MYO1D: variants seen among roughly 807,000 people sequenced by gnomAD.
MYO1D encodes unconventional myosin-Id.
Under a neutral mutation model 122.0 loss-of-function variants are expected in MYO1D, and 83 were observed. That is an observed-to-expected ratio of 0.68 (90% CI 0.57 to 0.82). The LOEUF (loss-of-function observed/expected upper bound fraction) is 0.82. MYO1D is among the 40% of genes least tolerant of loss of function. The pLI, the probability that MYO1D is intolerant of heterozygous loss-of-function variation, is 0.00. For synonymous variants in MYO1D, 464 were observed against 446.9 expected, an observed-to-expected ratio of 1.04 and a Z score of -0.48; for missense variants, 1,157 against 1,269.5, an observed-to-expected ratio of 0.91 and a Z score of 1.35.
At chr17:32,685,005 CTCTT>C (rs2088985677) in intron 16 of MYO1D, among the ~76,000 whole-genome samples, 1 of 151,988 alleles carries the variant, frequency 6.6e-6, no homozygotes, top group Admixed American at 6.6e-5. Context: ...TGGAAAATTT[CTCTT>C]TATCATTTTT....
chr17:32,836,552 A>C (rs891459217), intron 1 of MYO1D, among the ~76,000 whole-genome samples: 3 of 152,178 alleles, frequency 2.0e-5, no homozygotes, highest in Admixed American at 2.0e-4. Context: ...CTCTTCCATC[A>C]AATCAGTGGA....
At chr17:32,736,854 T>A (rs1018169527) in intron 14 of MYO1D, among the ~76,000 whole-genome samples, 2 of 152,200 alleles carry the variant, frequency 1.3e-5, no homozygotes, top group African/African-American at 4.8e-5. Flanking sequence ...CAGGCTGCAG[T>A]TGACATGCAA....
intron 21 of MYO1D, 98 bp downstream of exon 21, chr17:32,604,989 C>T: frequency 2.5e-6 from 3 of 1,178,172 alleles, no homozygotes; most frequent in Non-Finnish European, 3.5e-6. Context: ...AAAAATAGCT[C>T]AATACATTAA....
At chr17:32,544,804 T>TAC (rs2086952015) in intron 21 of MYO1D, among the ~76,000 whole-genome samples, 1 of 152,116 alleles carries the variant, frequency 6.6e-6, no homozygotes, top group South Asian at 2.1e-4. Flanking sequence ...CATACACATA[T>TAC]ACACACACAC....
intron 20 of MYO1D, among the ~76,000 whole-genome samples, chr17:32,612,901 T>C (rs546074053): frequency 6.6e-6 from 1 of 151,956 alleles, no homozygotes; most frequent in East Asian, 2.0e-4. Context: ...CCCATGCAGC[T>C]GGGACCACAG....
chr17:32,682,971 C>G (rs2088943946), intron 16 of MYO1D, among the ~76,000 whole-genome samples: 1 of 107,238 alleles, frequency 9.3e-6, no homozygotes, highest in Non-Finnish European at 1.8e-5. Context: ...TTTCTCTAAA[C>G]TTCCCTTCTC....
rs1431464718 is a variant in MYO1D, at chr17:32,709,035, C to T, written c.2121+2953G>A. Among the ~76,000 whole-genome samples the T allele has an allele frequency of 2.0e-5, 3 of 152,170 alleles. No individual in the cohort carries two copies. In the East Asian group the frequency reaches 5.8e-4, roughly 29 times the overall value. ...CTTTTTATATATGAGCTGGGCTCAT[C>T]TTTGGCTAGCAGAGCTGCCACAGAC... On this transcript the variant is annotated intron_variant, in intron 16 of 21. Coordinates refer to ENST00000318217, the MANE Select transcript of MYO1D (RefSeq NM_015194.3).
intron 21 of MYO1D, among the ~76,000 whole-genome samples, chr17:32,537,886 C>G (rs7226103): frequency 0.023 from 3,502 of 152,168 alleles, 143 homozygotes; most frequent in African/African-American, 0.078. Context: ...GTCAAAAGTT[C>G]AGAGAGGGAC....
intron 1 of MYO1D, among the ~76,000 whole-genome samples, chr17:32,847,190 A>C (rs1009999923): frequency 1.3e-5 from 2 of 152,214 alleles, no homozygotes; most frequent in African/African-American, 4.8e-5. Flanking sequence ...ACATGGCATG[A>C]ATGAGTTAGA....
At chr17:32,809,211 T>C (rs1431893520) in intron 1 of MYO1D, among the ~76,000 whole-genome samples, 1 of 151,282 alleles carries the variant, frequency 6.6e-6, no homozygotes, top group Non-Finnish European at 1.5e-5. Flanking sequence ...CCCAAATTCC[T>C]GAGCTCAAGC....
At chr17:32,654,011 T>G in intron 18 of MYO1D, 64 bp from the exon 19 acceptor site, 1 of 1,256,016 alleles carries the variant, frequency 8.0e-7, no homozygotes, top group South Asian at 1.3e-5. Flanking sequence ...AAGGCAATCT[T>G]TCAGTGTACT....
intron 21 of MYO1D, chr17:32,498,280 T>G (rs1424416237): frequency 1.3e-5 from 2 of 152,298 alleles, no homozygotes; most frequent in East Asian, 3.8e-4. Context: ...AGGTGGTATT[T>G]AGTGGCGGTC....
intron 21 of MYO1D, among the ~76,000 whole-genome samples, chr17:32,522,875 G>A (rs1037569623): frequency 1.3e-5 from 2 of 151,470 alleles, no homozygotes. Context: ...GGAGTGCAGT[G>A]GTGCGATCTC....
chr17:32,553,872 C>T (rs2087044753), intron 21 of MYO1D, among the ~76,000 whole-genome samples: 1 of 152,182 alleles, frequency 6.6e-6, no homozygotes, highest in African/African-American at 2.4e-5. Flanking sequence ...TCCTGGGGTC[C>T]AGGCTCCCCG....
At chr17:32,755,420 G>A (rs2089936791) in intron 11 of MYO1D, 72 bp downstream of exon 11, 2 of 1,446,516 alleles carry the variant, frequency 1.4e-6, no homozygotes, top group Non-Finnish European at 1.9e-6. Context: ...AACATATAAA[G>A]TCGTTGAACT....
At chr17:32,856,154 C>T (rs763936611) in intron 1 of MYO1D, among the ~76,000 whole-genome samples, 3 of 152,014 alleles carry the variant, frequency 2.0e-5, no homozygotes, top group Non-Finnish European at 4.4e-5. Flanking sequence ...AGTGAGACCA[C>T]CCTGCCTGGG....
intron 1 of MYO1D, among the ~76,000 whole-genome samples, chr17:32,872,737 C>A (rs1256978126): frequency 6.6e-6 from 1 of 150,590 alleles, no homozygotes; most frequent in African/African-American, 2.4e-5. Flanking sequence ...TCACCCAGGC[C>A]GGACTGCGGA....
intron 21 of MYO1D, among the ~76,000 whole-genome samples, chr17:32,566,456 A>C (rs2087174321): frequency 6.6e-6 from 1 of 152,086 alleles, no homozygotes; most frequent in Non-Finnish European, 1.5e-5. Context: ...TCCTTGAGGA[A>C]GCCAAGGAAA....
chr17:32,730,838 T>C (rs2089629150), intron 14 of MYO1D, among the ~76,000 whole-genome samples: 1 of 152,004 alleles, frequency 6.6e-6, no homozygotes, highest in Admixed American at 6.6e-5. Flanking sequence ...TATTGTTCTA[T>C]CCATTTTCTC....
Sources: gnomAD v4.1 joint callset for allele counts (sites outside exome capture counted in the v4.1 genomes callset) on GRCh38, gnomAD v4.1.1 for gene constraint, MANE v1.5 for transcripts, NCBI Gene and HGNC (gene_info 2026-07-23, HGNC 2026-07-21) for gene names.